RYR2: variants seen among roughly 807,000 people sequenced by gnomAD.
RYR2 encodes the protein ryanodine receptor 2.
RYR2 carries 227 observed loss-of-function variants against 601.1 expected under a neutral mutation model. The ratio of observed to expected loss-of-function variants is 0.38; its 90% CI spans 0.34 to 0.42. The LOEUF (loss-of-function observed/expected upper bound fraction) is 0.42. Among genes scored for constraint, RYR2 ranks in the 10% least tolerant of loss-of-function variants. RYR2 has a pLI of 1.00. For missense variants in RYR2, 4,646 were observed against 6,156.5 expected, an observed-to-expected ratio of 0.75 and a Z score of 8.21; for synonymous variants, 2,223 against 2,175.1, an observed-to-expected ratio of 1.02 and a Z score of -0.61.
At chr1:237,645,937 C>T (rs1476177854) in intron 48 of RYR2, among the ~76,000 whole-genome samples, 2 of 148,204 alleles carry the variant, frequency 1.3e-5, no homozygotes, top group South Asian at 2.2e-4. Flanking sequence ...AATGCAGTGG[C>T]GCAGTCTTGG....
Position 237,655,846 on chromosome 1 carries a change from T to A in RYR2, c.7991T>A (p.Leu2664Gln). 1.2e-6 allele frequency: 2 copies of A among 1,602,714 alleles called. No individual in the cohort carries two copies. Among genetic ancestry groups the A allele is most frequent in the Non-Finnish European group, 1.7e-6 (2 of 1,175,024 alleles). Residue 2664 changes from leucine (L) to glutamine (Q), a missense_variant, in exon 53 of 105, where the codon CTG (leucine) becomes CAG (glutamine). Physicochemically the swap from Leu to Gln is moderately radical, Grantham distance 113. Coordinates refer to ENST00000366574, the MANE Select transcript of RYR2 (RefSeq NM_001035.3). ...AAATATGAACAAGAACTTTTCAAAC[T>A]GGCACTGCCTTGCCTGAGTGCAGTT... The part of the protein sequence containing the change: ...QKKYEQELFK[L>Q]ALPCLSAVAG...
chr1:237,540,536 G>T (rs1669145457), intron 25 of RYR2, among the ~76,000 whole-genome samples: 1 of 151,944 alleles, frequency 6.6e-6, no homozygotes, highest in African/African-American at 2.4e-5. Context: ...GTGAAACTCT[G>T]TCTCTACTAA....
intron 98 of RYR2, among the ~76,000 whole-genome samples, chr1:237,804,763 G>C (rs1558454434): frequency 2.6e-5 from 4 of 152,126 alleles, no homozygotes; most frequent in Non-Finnish European, 5.9e-5. Flanking sequence ...TGAGATGCTT[G>C]GTTAATAAAA....
chr1:237,306,009 G>C (rs1693827143), intron 2 of RYR2, among the ~76,000 whole-genome samples: 1 of 152,150 alleles, frequency 6.6e-6, no homozygotes, highest in Admixed American at 6.5e-5. Flanking sequence ...TCTGAACATA[G>C]CCTACAGAAA....
chr1:237,401,467 G>GATGTT, intron 10 of RYR2, among the ~76,000 whole-genome samples: 1 of 148,786 alleles, frequency 6.7e-6, no homozygotes. Context: ...ACAGAACACA[G>GATGTT]ATGTTATACT....
At chr1:237,087,842 T>C (rs1666521977) in intron 1 of RYR2, among the ~76,000 whole-genome samples, 1 of 152,196 alleles carries the variant, frequency 6.6e-6, no homozygotes, top group Admixed American at 6.5e-5. Flanking sequence ...TTTTGTGTGA[T>C]TTTCATCTCA....
In RYR2 at chr1:237,234,325, C is replaced by T. The variant is rs116833437; in HGVS notation, c.49-36172C>T. On this transcript the variant is annotated intron_variant, in intron 1 of 104. Transcript: ENST00000366574. The stretch of plus-strand genomic sequence containing the variant: ...ACCCTCGAATCTTCCTCTATCATCC[C>T]CCACTACTCCTTTATCAACCCTTTG... Among the ~76,000 whole-genome samples, 613 of 152,268 alleles carry T rather than the reference C, an allele frequency of 4.0e-3. 3 individuals carry two copies. Among genetic ancestry groups the T allele is most frequent in the African/African-American group, 0.014 (573 of 41,556 alleles).
chr1:237,396,881 C>T (rs761895515), intron 10 of RYR2, among the ~76,000 whole-genome samples: 2 of 151,754 alleles, frequency 1.3e-5, no homozygotes, highest in African/African-American at 4.8e-5. Context: ...TTTAGGAAAA[C>T]AAACATAAAA....
intron 87 of RYR2, among the ~76,000 whole-genome samples, chr1:237,775,894 C>G (rs571869858): frequency 6.6e-6 from 1 of 152,240 alleles, no homozygotes; most frequent in South Asian, 2.1e-4. Flanking sequence ...GTTGAGCAAG[C>G]CCTGCAAAGG....
chr1:237,791,709 C>G, intron 93 of RYR2, 194 bp downstream of exon 93: 1 of 577,958 alleles, frequency 1.7e-6, no homozygotes, highest in Non-Finnish European at 3.1e-6. Flanking sequence ...TGAGAAATGC[C>G]TCAACTGAAG....
At chr1:237,058,733 TC>T (rs1352548330) in intron 1 of RYR2, among the ~76,000 whole-genome samples, 2 of 128,614 alleles carry the variant, frequency 1.6e-5, no homozygotes, top group African/African-American at 3.0e-5. Flanking sequence ...CCTTCCTTCC[TC>T]CCCGGAGACT....
chr1:237,157,033 C>T (rs936053452), intron 1 of RYR2, among the ~76,000 whole-genome samples: 2 of 152,196 alleles, frequency 1.3e-5, no homozygotes, highest in Non-Finnish European at 2.9e-5. Flanking sequence ...CAGTGGCTCA[C>T]GCCTGTAATC....
chr1:237,566,215 T>C (rs538362975), intron 27 of RYR2, among the ~76,000 whole-genome samples: 5 of 152,292 alleles, frequency 3.3e-5, no homozygotes, highest in Admixed American at 2.0e-4. Flanking sequence ...TTTTTTCTTA[T>C]TGACTTCTTT....
rs2149691944 is a variant in RYR2 at position 237,355,978 on chromosome 1, A to C, written c.287A>C (p.Glu96Ala). The change falls in exon 4 of 105, where the codon GAA becomes GCA. Residue 96 changes from glutamate to alanine, a missense_variant. Transcript: ENST00000366574. Reference sequence around the variant, plus strand: ...TTCTTTCCACAGCAAGTTGATGTGGAAAAATGGGTATGTGTTTCCATGTAT... The same window carrying C: ...TTCTTTCCACAGCAAGTTGATGTGGCAAAATGGGTATGTGTTTCCATGTAT... ...VEKSEGQVDV[E>A]KWKFMMKTAQ... 6.2e-7 allele frequency: 1 copy of C among 1,605,228 alleles called. No homozygotes were observed. Among genetic ancestry groups the C allele is most frequent in the South Asian group, 1.1e-5 (1 of 89,646 alleles).
At chr1:237,782,798 T>C (rs528610956) in intron 89 of RYR2, among the ~76,000 whole-genome samples, 3 of 152,206 alleles carry the variant, frequency 2.0e-5, no homozygotes, top group South Asian at 2.1e-4. Flanking sequence ...TTATCTCAAG[T>C]TTGCAAATGA....
intron 1 of RYR2, among the ~76,000 whole-genome samples, chr1:237,244,257 C>T (rs922002806): frequency 1.5e-4 from 23 of 152,274 alleles, no homozygotes; most frequent in African/African-American, 5.3e-4. Flanking sequence ...GAAAATAAAT[C>T]ATCTTTCCAC....
At position 237,793,949 on chromosome 1, in the gene RYR2, C is replaced by T. The variant is rs754869922; in HGVS notation, c.13865C>T (p.Ser4622Leu). ...GGGCTTTATATTACAGAACAGCCTT[C>T]AGAAGATGATATTAAAGGCCAGTGG... ...FDGLYITEQP[S>L]EDDIKGQWDR... The change falls in exon 95 of 105, where the codon TCA becomes TTA. Residue 4622 changes from serine (S) to leucine (L), a missense_variant. Transcript: ENST00000366574. 3 of 1,611,400 alleles carry T rather than the reference C, an allele frequency of 1.9e-6. No individual in the cohort carries two copies. Among genetic ancestry groups the T allele is most frequent in the East Asian group, 4.5e-5 (2 of 44,792 alleles).
intron 77 of RYR2, among the ~76,000 whole-genome samples, chr1:237,730,612 A>G (rs993179487): frequency 2.4e-4 from 36 of 152,266 alleles, no homozygotes; most frequent in African/African-American, 8.7e-4. Context: ...TTAATTAAAC[A>G]TGATTTAGTC....
chr1:237,655,711 A>T (rs1262814475), intron 52 of RYR2, 110 bp from the exon 53 acceptor site: 38 of 906,618 alleles, frequency 4.2e-5, no homozygotes, highest in Non-Finnish European at 3.2e-6. Flanking sequence ...GAGTTCAGTT[A>T]GTCCAGGGTA....
Sources: allele counts gnomAD v4.1 joint callset (sites outside exome capture counted in the v4.1 genomes callset), GRCh38; gene constraint gnomAD v4.1.1; transcripts MANE v1.5; gene names NCBI Gene and HGNC (gene_info 2026-07-23, HGNC 2026-07-21).